SH2D4A: variants seen among roughly 807,000 people sequenced by gnomAD.
SH2D4A encodes the protein SH2 domain-containing protein 4A.
Under a neutral mutation model 64.7 loss-of-function variants are expected in SH2D4A, and 70 were observed. The observed-to-expected ratio is 1.08, with a 90% CI of 0.89 to 1.32. SH2D4A has a LOEUF of 1.32. Among genes scored for constraint, SH2D4A ranks in the 40% most tolerant of loss-of-function variants. The pLI is 0.00. For synonymous variants in SH2D4A, 268 were observed against 200.7 expected, an observed-to-expected ratio of 1.34 and a Z score of -2.83; for missense variants, 706 against 540.1, an observed-to-expected ratio of 1.31 and a Z score of -3.04.
intron 4 of SH2D4A, among the ~76,000 whole-genome samples, chr8:19,352,405 T>C (rs1455059156): frequency 6.6e-6 from 1 of 152,272 alleles, no homozygotes; most frequent in Non-Finnish European, 1.5e-5. Flanking sequence ...ACTTGATGTC[T>C]GCAGGAAGTC....
chr8:19,367,914 G>A (rs922934765), intron 7 of SH2D4A, among the ~76,000 whole-genome samples: 3 of 152,016 alleles, frequency 2.0e-5, no homozygotes, highest in African/African-American at 7.2e-5. Context: ...TCATCCCTAT[G>A]AACAAATTAA....
Position 19,394,630 on chromosome 8 carries a change from G to A in SH2D4A, c.1353G>A (p.Glu451=), listed in dbSNP as rs199632286. ...AGGACCAGCTGCCTGACTACCTGGA[G>A]CTGTTTGAGTGACAGCCTCCATCAG... ...GQQDQLPDYL[E]LFE The change falls in exon 10 of 10, where the codon GAG becomes GAA. Residue 451 remains glutamate (E), a synonymous_variant. Transcript: ENST00000265807. The A allele has an allele frequency of 3.7e-6, 6 of 1,608,212 alleles. No homozygotes were observed. The African/African-American group carries it at 8.0e-5, about 21-fold the overall frequency.
chr8:19,342,527 A>T (rs532112116), intron 4 of SH2D4A, among the ~76,000 whole-genome samples: 1 of 152,176 alleles, frequency 6.6e-6, no homozygotes, highest in Non-Finnish European at 1.5e-5. Flanking sequence ...ATAGCCCTCT[A>T]CACATTTGGA....
chr8:19,325,874 T>C (rs1224486108), intron 2 of SH2D4A, among the ~76,000 whole-genome samples: 1 of 152,248 alleles, frequency 6.6e-6, no homozygotes, highest in East Asian at 1.9e-4. Flanking sequence ...GAAGTTCTGA[T>C]AGAAATGGGC....
At chr8:19,339,210 C>T (rs1314730973) in intron 4 of SH2D4A, among the ~76,000 whole-genome samples, 2 of 152,164 alleles carry the variant, frequency 1.3e-5, no homozygotes, top group East Asian at 1.9e-4. Flanking sequence ...AGTCCTTCCA[C>T]GTTCTTCTGC....
intron 2 of SH2D4A, among the ~76,000 whole-genome samples, chr8:19,327,379 C>T (rs976296369): frequency 8.5e-5 from 13 of 152,150 alleles, no homozygotes; most frequent in African/African-American, 2.7e-4. Flanking sequence ...AATGCCTGGG[C>T]GGTATTCAAC....
chr8:19,392,713 G>C (rs528159611), intron 8 of SH2D4A, among the ~76,000 whole-genome samples: 11 of 152,132 alleles, frequency 7.2e-5, no homozygotes, highest in African/African-American at 2.4e-4. Context: ...CTAAATGGGT[G>C]TATAAGTAGA....
At chr8:19,350,286 C>T (rs1319218562) in intron 4 of SH2D4A, among the ~76,000 whole-genome samples, 1 of 152,190 alleles carries the variant, frequency 6.6e-6, no homozygotes, top group Non-Finnish European at 1.5e-5. Flanking sequence ...GCAACCTGCA[C>T]CAGCTCTGCA....
chr8:19,325,392 T>C (rs1463680049), intron 2 of SH2D4A, among the ~76,000 whole-genome samples: 1 of 152,206 alleles, frequency 6.6e-6, no homozygotes, highest in Non-Finnish European at 1.5e-5. Flanking sequence ...GGAAACATAC[T>C]TAGAGACATA....
At chr8:19,332,798 A>G (rs2052384253) in intron 2 of SH2D4A, among the ~76,000 whole-genome samples, 157 bp from the exon 3 acceptor site, 1 of 151,790 alleles carries the variant, frequency 6.6e-6, no homozygotes, top group African/African-American at 2.4e-5. Context: ...TGCCATTGCT[A>G]CCTACAGATG....
In SH2D4A at chr8:19,361,177, T is replaced by G. The variant is rs367961348; in HGVS notation, c.595-26T>G. 1,515 of 1,329,828 alleles carry G rather than the reference T, an allele frequency of 1.1e-3. 14 individuals carry two copies. Among genetic ancestry groups the G allele is most frequent in the Middle Eastern group, 5.1e-3 (27 of 5,280 alleles). The allele number at this position is 1,329,828 out of a possible 1,614,324, so 82.4% of individuals were successfully genotyped here. On this transcript the variant is annotated intron_variant, in intron 5 of 9. Transcript: ENST00000265807. ...CTTTTTTTGTTTTGTTTTGTTTTTG[T>G]TTTTTTTTGTTTTGTTTTTAAACAG...
rs146155496 is a variant in SH2D4A, at chr8:19,381,867, C to G, written c.1048+8207C>G. ...ATCATGATAGGGTATTGCATGTTGTCGGATGCTTTTTCTGCATTAATTGAG... is the reference window on the plus strand; with the variant it reads ...ATCATGATAGGGTATTGCATGTTGTGGGATGCTTTTTCTGCATTAATTGAG... On this transcript the variant is annotated intron_variant, in intron 8 of 9. Transcript: ENST00000265807. Among the ~76,000 whole-genome samples the G allele has an allele frequency of 3.7e-3, 556 of 151,984 alleles. 6 individuals carry two copies. Among genetic ancestry groups the G allele is most frequent in the African/African-American group, 0.013 (527 of 41,454 alleles).
At chr8:19,360,621 T>A (rs1021335788) in intron 5 of SH2D4A, among the ~76,000 whole-genome samples, 1 of 152,046 alleles carries the variant, frequency 6.6e-6, no homozygotes, top group Non-Finnish European at 1.5e-5. Flanking sequence ...CTTAAAAAAA[T>A]AATAATGATA....
At chr8:19,392,518 G>A (rs891194317) in intron 8 of SH2D4A, among the ~76,000 whole-genome samples, 2 of 151,996 alleles carry the variant, frequency 1.3e-5, no homozygotes, top group African/African-American at 2.4e-5. Context: ...ACCTTTGTCC[G>A]AGTGGTTGAG....
At chr8:19,382,778 GA>G (rs1200708019) in intron 8 of SH2D4A, among the ~76,000 whole-genome samples, 6 of 146,846 alleles carry the variant, frequency 4.1e-5, no homozygotes, top group Non-Finnish European at 7.5e-5. Flanking sequence ...CTTTGTATGT[GA>G]TGAGTTGCTT....
intron 8 of SH2D4A, among the ~76,000 whole-genome samples, chr8:19,384,568 G>A (rs1278714391): frequency 6.6e-6 from 1 of 152,152 alleles, no homozygotes; most frequent in East Asian, 1.9e-4. Flanking sequence ...AGACCTTACA[G>A]TCTGTAATAT....
At chr8:19,378,911 CAAAAAAAA>C (rs375441883) in intron 8 of SH2D4A, among the ~76,000 whole-genome samples, 1 of 103,076 alleles carries the variant, frequency 9.7e-6, no homozygotes, top group Non-Finnish European at 1.9e-5. Context: ...CCCATCTCTC[CAAAAAAAA>C]AAAAAAAAAA....
intron 4 of SH2D4A, among the ~76,000 whole-genome samples, chr8:19,356,514 T>G (rs887830489): frequency 4.6e-5 from 7 of 152,166 alleles, no homozygotes; most frequent in African/African-American, 1.4e-4. Flanking sequence ...CAGGGACTGA[T>G]GGGGGCCTGT....
chr8:19,360,951 CT>C (rs766929542), intron 5 of SH2D4A: 28 of 256,620 alleles, frequency 1.1e-4, no homozygotes, highest in Non-Finnish European at 2.0e-4. Flanking sequence ...TCTCATCTTT[CT>C]TATGGGGAAA....
Sources: gnomAD v4.1 joint callset for allele counts (sites outside exome capture counted in the v4.1 genomes callset) on GRCh38, gnomAD v4.1.1 for gene constraint, MANE v1.5 for transcripts, NCBI Gene and HGNC (gene_info 2026-07-23, HGNC 2026-07-21) for gene names.